Variants in ELF2 observed in about 807,000 individuals in gnomAD.
ELF2 encodes E74 like ETS transcription factor 2, also known as ETS-related transcription factor Elf-2.
In ELF2, 11 loss-of-function variants were observed where a neutral mutation model predicts 54.8. That is an observed-to-expected ratio of 0.20 (90% CI 0.13 to 0.33). ELF2 has a LOEUF of 0.33. ELF2 is among the 10% of genes least tolerant of loss of function. The pLI is 1.00. For missense variants in ELF2, 513 were observed against 703.0 expected, an observed-to-expected ratio of 0.73 and a Z score of 3.06; for synonymous variants, 203 against 245.1, an observed-to-expected ratio of 0.83 and a Z score of 1.61.
chr4:139,101,912 A>G (rs576501010), intron 4 of ELF2: 1 of 152,264 alleles, frequency 6.6e-6, no homozygotes, highest in Admixed American at 6.5e-5. Context: ...TGTTTTTCCA[A>G]ACAAAATGAA....
chr4:139,173,170 T>C lies in ELF2; in HGVS notation c.-252+3797A>G, dbSNP rs141309472. On this transcript the variant is annotated intron_variant, in intron 1 of 9. Transcript: ENST00000686138. Reference sequence around the variant, plus strand: ...AGGCTGGAGGGAATTTTGGAGGCAATGGAAATGTTCGAAAACTAGCTCAAG... The same window carrying C: ...AGGCTGGAGGGAATTTTGGAGGCAACGGAAATGTTCGAAAACTAGCTCAAG... 4.3e-3 allele frequency among the ~76,000 whole-genome samples: 649 copies of C among 152,138 alleles called. 23 individuals carry two copies. The highest frequency in any genetic ancestry group is 0.035 in the Admixed American group (529 of 15,268).
intron 1 of ELF2, among the ~76,000 whole-genome samples, chr4:139,146,195 A>G (rs530608670): frequency 6.6e-6 from 1 of 152,374 alleles, no homozygotes; most frequent in East Asian, 1.9e-4. Flanking sequence ...TACAAAGTCA[A>G]TGAACACAAA....
intron 1 of ELF2, among the ~76,000 whole-genome samples, chr4:139,151,034 AAG>A (rs1491145421): frequency 7.1e-5 from 3 of 42,478 alleles, no homozygotes; most frequent in Admixed American, 3.5e-4. Context: ...AAAAAAAAAA[AAG>A]AAAGAAAGAA....
chr4:139,087,426 C>T (rs1732093368), intron 4 of ELF2, among the ~76,000 whole-genome samples: 1 of 152,190 alleles, frequency 6.6e-6, no homozygotes, highest in Non-Finnish European at 1.5e-5. Flanking sequence ...TGCAGCTAGT[C>T]TCTTCTAATG....
Position 139,063,345 on chromosome 4 carries a change from T to C in ELF2, c.614-1288A>G, listed in dbSNP as rs75014240. Reference sequence around the variant, plus strand: ...ATCGCTTTCTACTGATTACACCCAATAGACGGAAGATAATGTTTAAAGGAT... The same window carrying C: ...ATCGCTTTCTACTGATTACACCCAACAGACGGAAGATAATGTTTAAAGGAT... On this transcript the variant is annotated intron_variant, in intron 7 of 9. Coordinates refer to ENST00000686138, the MANE Select transcript of ELF2 (RefSeq NM_001331036.3). 8.1e-3 allele frequency among the ~76,000 whole-genome samples: 1,228 copies of C among 152,270 alleles called. 18 individuals carry two copies. The highest frequency in any genetic ancestry group is 0.028 in the African/African-American group (1,170 of 41,552).
intron 3 of ELF2, among the ~76,000 whole-genome samples, chr4:139,127,065 G>A (rs1232593369): frequency 6.6e-6 from 1 of 152,196 alleles, no homozygotes; most frequent in African/African-American, 2.4e-5. Flanking sequence ...CCTAAGGACA[G>A]AATGTCCAGA....
intron 4 of ELF2, among the ~76,000 whole-genome samples, chr4:139,106,774 G>A (rs538468804): frequency 3.3e-5 from 4 of 122,914 alleles, no homozygotes; most frequent in Admixed American, 9.8e-5. Flanking sequence ...ATAGAGTTTC[G>A]CTCTTGTTGC....
At chr4:139,165,899 CTAATA>C (rs1741672482) in intron 1 of ELF2, among the ~76,000 whole-genome samples, 1 of 152,176 alleles carries the variant, frequency 6.6e-6, no homozygotes, top group Non-Finnish European at 1.5e-5. Flanking sequence ...TCTTAGAAAT[CTAATA>C]TGTCATCAGT....
rs72947698 is a variant in ELF2 at position 139,073,079 on chromosome 4, C to A, written c.352+375G>T. On this transcript the variant is annotated intron_variant, in intron 5 of 9. Coordinates refer to ENST00000686138, the MANE Select transcript of ELF2 (RefSeq NM_001331036.3). ...TACCATGTGTGGTTCTCTGGAGTTA[C>A]TGCCTATTTATCATTGAATAAAGGA... is the stretch of plus-strand genomic sequence containing the variant. Among the ~76,000 whole-genome samples the A allele has an allele frequency of 7.4e-3, 1,121 of 152,294 alleles. 20 individuals carry two copies. The highest frequency in any genetic ancestry group is 0.025 in the African/African-American group (1,058 of 41,568).
chr4:139,079,111 T>TA (rs774205697), intron 4 of ELF2, among the ~76,000 whole-genome samples: 15 of 151,900 alleles, frequency 9.9e-5, no homozygotes, highest in Non-Finnish European at 1.8e-4. Flanking sequence ...TTTTTTTTTT[T>TA]AGAGACGAGG....
At chr4:139,132,316 ATT>A (rs1256271854) in intron 3 of ELF2, among the ~76,000 whole-genome samples, 1 of 152,102 alleles carries the variant, frequency 6.6e-6, no homozygotes, top group Non-Finnish European at 1.5e-5. Context: ...AAATCTTTTT[ATT>A]TTTCTTATGA....
intron 4 of ELF2, among the ~76,000 whole-genome samples, chr4:139,078,802 C>T (rs1237534931): frequency 6.6e-6 from 1 of 151,826 alleles, no homozygotes; most frequent in Non-Finnish European, 1.5e-5. Flanking sequence ...CTTTTACACT[C>T]AAAATACTGA....
At chr4:139,172,181 T>C (rs976343965) in intron 1 of ELF2, among the ~76,000 whole-genome samples, 2 of 152,210 alleles carry the variant, frequency 1.3e-5, no homozygotes, top group African/African-American at 4.8e-5. Context: ...TTGAGTATTA[T>C]TTAAAGAGTC....
chr4:139,085,992 A>G (rs1731936044), intron 4 of ELF2, among the ~76,000 whole-genome samples: 1 of 152,208 alleles, frequency 6.6e-6, no homozygotes. Context: ...CAAAGGTTAC[A>G]AAGTGTCTTG....
intron 1 of ELF2, among the ~76,000 whole-genome samples, chr4:139,149,046 T>C (rs1013783583): frequency 6.6e-6 from 1 of 152,238 alleles, no homozygotes; most frequent in East Asian, 1.9e-4. Flanking sequence ...TTTCTCCCAG[T>C]ATTGAGAACA....
chr4:139,174,636 C>A (rs1742722369), intron 1 of ELF2, among the ~76,000 whole-genome samples: 1 of 151,990 alleles, frequency 6.6e-6, no homozygotes, highest in African/African-American at 2.4e-5. Flanking sequence ...CATGTACAGA[C>A]TTTTTTCTGG....
At chr4:139,141,776 G>A (rs1008551998) in intron 1 of ELF2, among the ~76,000 whole-genome samples, 4 of 152,088 alleles carry the variant, frequency 2.6e-5, no homozygotes, top group African/African-American at 9.7e-5. Flanking sequence ...GGTGTTTCCA[G>A]GATCCCATCC....
chr4:139,080,037 C>G (rs1170958840), intron 4 of ELF2, among the ~76,000 whole-genome samples: 1 of 152,180 alleles, frequency 6.6e-6, no homozygotes, highest in East Asian at 1.9e-4. Context: ...GAACATTTTG[C>G]TATAGATGAC....
intron 4 of ELF2, among the ~76,000 whole-genome samples, chr4:139,121,323 T>TG (rs1203638376): frequency 3.3e-5 from 5 of 151,378 alleles, no homozygotes; most frequent in Non-Finnish European, 7.4e-5. Context: ...TTAGCCAGGA[T>TG]GGTCTCGATC....
Sources: gnomAD v4.1 joint callset for allele counts (sites outside exome capture counted in the v4.1 genomes callset) on GRCh38, gnomAD v4.1.1 for gene constraint, MANE v1.5 for transcripts, NCBI Gene and HGNC (gene_info 2026-07-23, HGNC 2026-07-21) for gene names.